Variants in LSAMP observed in about 807,000 individuals in gnomAD.
The protein encoded by LSAMP is limbic system-associated membrane protein.
A neutral mutation model predicts 38.6 loss-of-function variants in LSAMP; 7 were observed. The observed-to-expected ratio is 0.18, with a 90% confidence interval of 0.10 to 0.34. The LOEUF (loss-of-function observed/expected upper bound fraction) is 0.34. Among genes scored for constraint, LSAMP ranks in the 10% least tolerant of loss-of-function variants. The probability of loss-of-function intolerance (pLI) is 1.00; values close to 1 mark genes in which losing one functional copy is unlikely to be tolerated. For missense variants in LSAMP, 313 were observed against 420.0 expected (o/e 0.75, Z 2.23); for synonymous variants, 154 against 166.8 (o/e 0.92, Z 0.59).
At chr3:115,923,841 A>C (rs1464857210) in intron 3 of LSAMP, among the ~76,000 whole-genome samples, 3 of 152,172 alleles carry the variant, frequency 2.0e-5, no homozygotes, top group African/African-American at 7.2e-5. Flanking sequence ...TAAAATATTC[A>C]TAGCACTTTT....
At chr3:116,056,247 C>A (rs1941488614) in intron 2 of LSAMP, among the ~76,000 whole-genome samples, 1 of 152,130 alleles carries the variant, frequency 6.6e-6, no homozygotes, top group Non-Finnish European at 1.5e-5. Flanking sequence ...GTTCTGGATA[C>A]TAACACAAAG....
chr3:116,066,840 T>C (rs1707460753), intron 2 of LSAMP, among the ~76,000 whole-genome samples: 1 of 152,218 alleles, frequency 6.6e-6, no homozygotes, highest in African/African-American at 2.4e-5. Flanking sequence ...TTATTGTTTA[T>C]TTATCCAACT....
intron 3 of LSAMP, among the ~76,000 whole-genome samples, chr3:115,990,492 T>G (rs1421912117): frequency 6.6e-6 from 1 of 152,042 alleles, no homozygotes; most frequent in African/African-American, 2.4e-5. Context: ...AGGTCATGTG[T>G]AAGAGAAGTT....
intron 1 of LSAMP, among the ~76,000 whole-genome samples, chr3:116,190,128 C>CACACATAT (rs768880292): frequency 3.4e-5 from 5 of 146,306 alleles, no homozygotes; most frequent in African/African-American, 1.3e-4. Flanking sequence ...CACACACACA[C>CACACATAT]ATGCATTAAG....
chr3:116,343,546 C>A (rs1160584375), intron 1 of LSAMP, among the ~76,000 whole-genome samples: 2 of 152,112 alleles, frequency 1.3e-5, no homozygotes, highest in East Asian at 3.9e-4. Flanking sequence ...TTTAGCCAAA[C>A]ATGGTCAGTA....
At chr3:116,164,773 T>TTTTTTCAAG (rs1279357951) in intron 1 of LSAMP, among the ~76,000 whole-genome samples, 1 of 143,810 alleles carries the variant, frequency 7.0e-6, no homozygotes, top group Admixed American at 7.0e-5. Context: ...TTTTTTTTTT[T>TTTTTTCAAG]TCAAGTAGCA....
intron 1 of LSAMP, among the ~76,000 whole-genome samples, chr3:116,316,778 G>GAAAAAAAAAAAAA (rs35294836): frequency 8.4e-6 from 1 of 119,010 alleles, no homozygotes; most frequent in African/African-American, 3.2e-5. Flanking sequence ...CTCAAAAAAA[G>GAAAAAAAAAAAAA]AAAAAAAAAA....
At chr3:116,286,156 C>T (rs151166637) in intron 1 of LSAMP, among the ~76,000 whole-genome samples, 1 of 152,270 alleles carries the variant, frequency 6.6e-6, no homozygotes, top group African/African-American at 2.4e-5. Flanking sequence ...TCCTAGGGAA[C>T]AGGGAAGCTT....
At chr3:116,141,300 A>G (rs76266928) in intron 1 of LSAMP, among the ~76,000 whole-genome samples, 1,713 of 151,912 alleles carry the variant, frequency 0.011, 28 homozygotes, top group African/African-American at 0.039. Flanking sequence ...CTATTTTTGG[A>G]CAATTGGAAG....
chr3:116,126,359 T>C (rs1006522332), intron 1 of LSAMP, among the ~76,000 whole-genome samples: 8 of 152,218 alleles, frequency 5.3e-5, no homozygotes, highest in Admixed American at 1.3e-4. Context: ...GTGCTATAAA[T>C]GGGCCATGCC....
chr3:116,091,310 C>T (rs1708118300), intron 1 of LSAMP, among the ~76,000 whole-genome samples: 1 of 152,112 alleles, frequency 6.6e-6, no homozygotes, highest in Non-Finnish European at 1.5e-5. Context: ...TCAAGGTGCC[C>T]ACATTTCATA....
At chr3:116,058,742 A>T (rs1941536817) in intron 2 of LSAMP, among the ~76,000 whole-genome samples, 2 of 152,294 alleles carry the variant, frequency 1.3e-5, no homozygotes, top group Middle Eastern at 3.4e-3. Context: ...TAGATACTCA[A>T]ATTCAGAACA....
At chr3:116,427,117 T>C (rs1002438926) in intron 1 of LSAMP, among the ~76,000 whole-genome samples, 29 of 140,862 alleles carry the variant, frequency 2.1e-4, no homozygotes, top group East Asian at 4.1e-4. Flanking sequence ...TTCTTTTTTT[T>C]TTTTTTTTTT....
chr3:116,385,226 C>G lies in LSAMP; in HGVS notation c.155+59651G>C, dbSNP rs2048609779. Among the ~76,000 whole-genome samples, 3 of 152,098 alleles carry G rather than the reference C, an allele frequency of 2.0e-5. No homozygotes were observed. The South Asian group carries it at 6.2e-4, about 32-fold the overall frequency. On this transcript the variant is annotated intron_variant, in intron 1 of 6. Transcript: ENST00000490035. Reference sequence around the variant, plus strand: ...GGAGAATTGAAATCAGCCACATCACCTTGGCCAAGATATTTCCCATATTCT... The same window carrying G: ...GGAGAATTGAAATCAGCCACATCACGTTGGCCAAGATATTTCCCATATTCT...
intron 3 of LSAMP, among the ~76,000 whole-genome samples, chr3:115,921,947 G>A (rs1466512238): frequency 3.3e-5 from 5 of 152,076 alleles, no homozygotes; most frequent in African/African-American, 1.2e-4. Flanking sequence ...CCTTGTATGT[G>A]ATATATTGCA....
chr3:115,979,487 AG>A (rs1356972859), intron 3 of LSAMP, among the ~76,000 whole-genome samples: 1 of 152,200 alleles, frequency 6.6e-6, no homozygotes, highest in Non-Finnish European at 1.5e-5. Context: ...GCTTAGCAGC[AG>A]GATTCAGTTG....
chr3:116,181,168 C>T (rs533249872), intron 1 of LSAMP, among the ~76,000 whole-genome samples: 8 of 151,978 alleles, frequency 5.3e-5, no homozygotes, highest in African/African-American at 7.2e-5. Context: ...GATGTTTGCT[C>T]ATTTGGTCAA....
At chr3:116,367,395 C>A (rs2048368421) in intron 1 of LSAMP, among the ~76,000 whole-genome samples, 1 of 151,720 alleles carries the variant, frequency 6.6e-6, no homozygotes, top group Non-Finnish European at 1.5e-5. Flanking sequence ...CCTTTTATTT[C>A]TTTTATAATT....
intron 1 of LSAMP, among the ~76,000 whole-genome samples, chr3:116,129,007 T>C (rs1576380917): frequency 6.6e-6 from 1 of 152,090 alleles, no homozygotes; most frequent in African/African-American, 2.4e-5. Context: ...AAATATAAAA[T>C]CACAAATAGA....
Sources: allele counts gnomAD v4.1 joint callset (sites outside exome capture counted in the v4.1 genomes callset), GRCh38; gene constraint gnomAD v4.1.1; transcripts MANE v1.5; gene names NCBI Gene and HGNC (gene_info 2026-07-23, HGNC 2026-07-21).